Variants in FARS2 observed in about 807,000 individuals in gnomAD.
FARS2 encodes the protein phenylalanyl-tRNA synthetase 2, mitochondrial, also known as phenylalanine--tRNA ligase, mitochondrial.
In FARS2, 40 loss-of-function variants were observed where a neutral mutation model predicts 46.4. That is an observed-to-expected ratio of 0.86 (90% confidence interval 0.67 to 1.12). FARS2 has a LOEUF of 1.12. Among genes scored for constraint, FARS2 ranks in the 50% most tolerant of loss-of-function variants. FARS2 has a pLI of 0.00. For missense variants in FARS2, 513 were observed against 567.9 expected, an observed-to-expected ratio of 0.90 and a Z score of 0.98; for synonymous variants, 234 against 214.9, an observed-to-expected ratio of 1.09 and a Z score of -0.78.
chr6:5,376,335 C>G (rs1407004072), intron 2 of FARS2, among the ~76,000 whole-genome samples: 1 of 152,050 alleles, frequency 6.6e-6, no homozygotes, highest in Non-Finnish European at 1.5e-5. Flanking sequence ...TTAAAACAAC[C>G]AAATATGATT....
At chr6:5,627,612 C>G (rs61089791) in intron 6 of FARS2, among the ~76,000 whole-genome samples, 5,330 of 152,292 alleles carry the variant, frequency 0.035, 222 homozygotes, top group African/African-American at 0.1. Flanking sequence ...GCCACATTGC[C>G]TGGTGTTTAT....
chr6:5,531,106 T>C (rs1211289655), intron 4 of FARS2, among the ~76,000 whole-genome samples: 2 of 152,020 alleles, frequency 1.3e-5, no homozygotes, highest in Admixed American at 1.3e-4. Flanking sequence ...CAGAAGGGCC[T>C]TTTTTTCTGA....
At chr6:5,386,206 G>A (rs1189970630) in intron 2 of FARS2, among the ~76,000 whole-genome samples, 1 of 152,144 alleles carries the variant, frequency 6.6e-6, no homozygotes, top group African/African-American at 2.4e-5. Context: ...CAGAGAAGAA[G>A]GGGCACTGTG....
chr6:5,723,955 C>G (rs1760082655), intron 6 of FARS2, among the ~76,000 whole-genome samples: 1 of 126,978 alleles, frequency 7.9e-6, no homozygotes, highest in Non-Finnish European at 1.9e-5. Context: ...AGAGGAAACA[C>G]CCTGCAGAGC....
At chr6:5,260,751 A>G, upstream of FARS2, 1 of 1,542,910 alleles carries the variant, frequency 6.5e-7, no homozygotes, top group Non-Finnish European at 8.7e-7. Flanking sequence ...AGAAAAAAAA[A>G]TAAACGGGTC....
intron 3 of FARS2, among the ~76,000 whole-genome samples, chr6:5,406,104 T>C (rs566054782): frequency 8.9e-4 from 136 of 152,308 alleles, no homozygotes; most frequent in African/African-American, 3.1e-3. Context: ...ATTTTCCTAA[T>C]TGTGACTATC....
At chr6:5,303,060 T>C (rs750244419) in intron 1 of FARS2, among the ~76,000 whole-genome samples, 3 of 152,170 alleles carry the variant, frequency 2.0e-5, no homozygotes, top group Non-Finnish European at 4.4e-5. Context: ...TACAAATCTT[T>C]TAGAGAAGGA....
At chr6:5,362,052 C>G (rs1758338511) in intron 1 of FARS2, among the ~76,000 whole-genome samples, 3 of 151,996 alleles carry the variant, frequency 2.0e-5, no homozygotes, top group Admixed American at 2.0e-4. Context: ...CAAAATAATC[C>G]AAATGTGATC....
At chr6:5,710,655 G>A (rs1351115240) in intron 6 of FARS2, among the ~76,000 whole-genome samples, 4 of 152,220 alleles carry the variant, frequency 2.6e-5, no homozygotes, top group South Asian at 2.1e-4. Flanking sequence ...AATCTGGGAC[G>A]CGGAAGCATC....
rs1022562452 is a variant in FARS2 at position 5,363,066 on chromosome 6, A to G, written c.-21-5484A>G. ...CTCAGCCTCCCAAGTAGCTGGGACT[A>G]CAGGTGCCCGCCACCATGCTTGGCT... On this transcript the variant is annotated intron_variant, in intron 1 of 6. Transcript: ENST00000274680. Among the ~76,000 whole-genome samples the G allele has an allele frequency of 1.3e-4, 20 of 151,582 alleles. No individual in the cohort carries two copies. The East Asian group carries it at 1.6e-3, about 12-fold the overall frequency.
intron 6 of FARS2, among the ~76,000 whole-genome samples, chr6:5,619,416 G>A (rs567997095): frequency 4.6e-5 from 7 of 152,162 alleles, no homozygotes; most frequent in Non-Finnish European, 8.8e-5. Context: ...TCCTTGTTCC[G>A]GGGACTGCTG....
chr6:5,319,942 A>G (rs1359918860), intron 1 of FARS2, among the ~76,000 whole-genome samples: 2 of 152,228 alleles, frequency 1.3e-5, no homozygotes, highest in Admixed American at 6.5e-5. Flanking sequence ...GAAGGGAAGC[A>G]GAGTGTAAAA....
chr6:5,432,475 T>A (rs1223736239), intron 4 of FARS2, among the ~76,000 whole-genome samples: 1 of 129,644 alleles, frequency 7.7e-6, no homozygotes, highest in Non-Finnish European at 1.6e-5. Flanking sequence ...TATATATTTT[T>A]TATATATAAT....
At chr6:5,556,712 C>T (rs772843736) in intron 5 of FARS2, among the ~76,000 whole-genome samples, 5 of 151,970 alleles carry the variant, frequency 3.3e-5, no homozygotes, top group African/African-American at 4.8e-5. Flanking sequence ...AAAAAATGAA[C>T]GATCTAGGTC....
At chr6:5,499,061 CAA>C (rs1767640758) in intron 4 of FARS2, among the ~76,000 whole-genome samples, 1 of 152,172 alleles carries the variant, frequency 6.6e-6, no homozygotes, top group Admixed American at 6.5e-5. Context: ...CCACGCCCAG[CAA>C]ATTTTTGTAT....
chr6:5,341,212 TATATATATATATATATATATATA>T (rs1274312095), intron 1 of FARS2, among the ~76,000 whole-genome samples: 246 of 6,458 alleles, frequency 0.038, 4 homozygotes, highest in East Asian at 0.085. Context: ...TATATATATA[TATATATATATATATATATATATA>T]TTTTTTTTTT....
At chr6:5,382,759 A>T (rs1759873221) in intron 2 of FARS2, among the ~76,000 whole-genome samples, 1 of 152,188 alleles carries the variant, frequency 6.6e-6, no homozygotes, top group Non-Finnish European at 1.5e-5. Flanking sequence ...CAACCGAACC[A>T]ATAGGATATA....
Position 5,548,092 on chromosome 6 carries a change from T to G in FARS2, c.1065+2752T>G, listed in dbSNP as rs149701189. ...AAGAGAAAATGATGAAGAAGCAAAA[T>G]CAGAAACCCCTGATAAACCCATCAG... On this transcript the variant is annotated intron_variant, in intron 5 of 6. Transcript: ENST00000274680. Among the ~76,000 whole-genome samples the G allele has an allele frequency of 3.6e-3, 555 of 152,126 alleles. 5 individuals carry two copies. Among genetic ancestry groups the G allele is most frequent in the African/African-American group, 0.012 (511 of 41,488 alleles).
In FARS2 at chr6:5,506,500, T is replaced by C. The variant is rs77270552; in HGVS notation, c.905-38680T>C. Among the ~76,000 whole-genome samples, 1,458 of 152,298 alleles carry C rather than the reference T, an allele frequency of 9.6e-3. 19 individuals carry two copies. The highest frequency in any genetic ancestry group is 0.032 in the African/African-American group (1,345 of 41,556). On this transcript the variant is annotated intron_variant, in intron 4 of 6. Coordinates refer to ENST00000274680, the MANE Select transcript of FARS2 (RefSeq NM_006567.5). Reference sequence around the variant, plus strand: ...ACAGCCTCTTAACCACCGAATTGTCTTCTGTTTACAATTCTGCAGGCTCCT... The same window carrying C: ...ACAGCCTCTTAACCACCGAATTGTCCTCTGTTTACAATTCTGCAGGCTCCT...
Sources: gnomAD v4.1 joint callset for allele counts (sites outside exome capture counted in the v4.1 genomes callset) on GRCh38, gnomAD v4.1.1 for gene constraint, MANE v1.5 for transcripts, NCBI Gene and HGNC (gene_info 2026-07-23, HGNC 2026-07-21) for gene names.